Variants in ZDHHC15 observed in about 807,000 individuals in gnomAD.
The protein encoded by ZDHHC15 is palmitoyltransferase ZDHHC15.
Under a neutral mutation model 31.7 loss-of-function variants are expected in ZDHHC15, and 19 were observed. The ratio of observed to expected loss-of-function variants is 0.60; its 90% CI spans 0.42 to 0.88. The LOEUF is 0.88. Ranked by LOEUF, ZDHHC15 falls within the 40% of genes least tolerant of loss-of-function variation. The probability of loss-of-function intolerance (pLI) is 0.00; values close to 1 mark genes in which losing one functional copy is unlikely to be tolerated. For missense variants in ZDHHC15, 209 were observed against 251.2 expected (o/e 0.83, Z 1.14); for synonymous variants, 103 against 90.0 (o/e 1.14, Z -0.82).
At chrX:75,422,753 T>C (rs1008039099) in intron 8 of ZDHHC15, among the ~76,000 whole-genome samples, 3 of 111,387 alleles carry the variant, frequency 2.7e-5, no homozygotes, top group Admixed American at 1.9e-4. Flanking sequence ...CCCTAGCAAC[T>C]AGGGGCTACA....
intron 10 of ZDHHC15, among the ~76,000 whole-genome samples, chrX:75,389,808 C>T (rs938189628): frequency 6.3e-5 from 7 of 111,466 alleles, no homozygotes; most frequent in African/African-American, 2.3e-4. Flanking sequence ...TGAGCAGAGA[C>T]TCATTCTGCT....
At chrX:75,483,301 A>G (rs2084722183) in intron 2 of ZDHHC15, among the ~76,000 whole-genome samples, 1 of 110,491 alleles carries the variant, frequency 9.1e-6, no homozygotes, top group Non-Finnish European at 1.9e-5. Context: ...GTTTGTTAAA[A>G]AAGAGAAAAA....
intron 3 of ZDHHC15, among the ~76,000 whole-genome samples, chrX:75,451,928 T>G (rs975861373): frequency 9.0e-6 from 1 of 111,481 alleles, no homozygotes; most frequent in African/African-American, 3.3e-5. Flanking sequence ...TGCAAAAACA[T>G]GCCAAATTGT....
intron 4 of ZDHHC15, among the ~76,000 whole-genome samples, chrX:75,433,656 A>AGT (rs138064587): frequency 1.9e-5 from 1 of 53,545 alleles, no homozygotes; most frequent in African/African-American, 5.4e-5. Context: ...ATGGCTGAGT[A>AGT]GTGTGTGTGT....
chrX:75,419,631 T>C (rs190995382), intron 9 of ZDHHC15, among the ~76,000 whole-genome samples: 280 of 110,669 alleles, frequency 2.5e-3, no homozygotes, highest in African/African-American at 8.7e-3. Context: ...AACATGCTGC[T>C]ATAAAGACAC....
At chrX:75,510,564 T>TATC (rs2085249894) in intron 1 of ZDHHC15, among the ~76,000 whole-genome samples, 1 of 103,961 alleles carries the variant, frequency 9.6e-6, no homozygotes, top group Non-Finnish European at 2.0e-5. Context: ...GTCTTTTTAT[T>TATC]ATTATTATTA....
intron 4 of ZDHHC15, among the ~76,000 whole-genome samples, chrX:75,434,923 T>C (rs1332868535): frequency 1.8e-5 from 2 of 112,401 alleles, no homozygotes; most frequent in African/African-American, 3.2e-5. Context: ...ATATTGCTTT[T>C]GGCAGCATGG....
At position 75,421,433 on chromosome X, in the gene ZDHHC15, AATATATAT is replaced by A. The variant is rs1569320814; in HGVS notation, c.863+423_863+430del. Among the ~76,000 whole-genome samples the A allele has an allele frequency of 4.3e-4, 27 of 62,665 alleles. 1 individual carries two copies. The highest frequency in any genetic ancestry group is 2.0e-3 in the African/African-American group (26 of 12,746). 54.4% of individuals were successfully genotyped at this position (62,665 alleles called of 115,157 possible). ...TATAATATATATATAATATATATAT[AATATATAT>A]TATATATATATATTCCCATATTGTT... On this transcript the variant is annotated intron_variant, in intron 9 of 11. Transcript: ENST00000373367.
At chrX:75,522,331 G>C (rs2085454449) in intron 1 of ZDHHC15, among the ~76,000 whole-genome samples, 1 of 111,786 alleles carries the variant, frequency 8.9e-6, no homozygotes, top group Non-Finnish European at 1.9e-5. Flanking sequence ...GCCAGTGTGA[G>C]AGGATCACGG....
At chrX:75,436,658 A>C (rs1157828581) in intron 4 of ZDHHC15, among the ~76,000 whole-genome samples, 1 of 112,215 alleles carries the variant, frequency 8.9e-6, no homozygotes, top group African/African-American at 3.2e-5. Context: ...GGTTCCTACT[A>C]AAGGTGATTT....
At chrX:75,401,593 C>T (rs1329143288) in intron 10 of ZDHHC15, among the ~76,000 whole-genome samples, 1 of 111,708 alleles carries the variant, frequency 9.0e-6, no homozygotes, top group Non-Finnish European at 1.9e-5. Flanking sequence ...GGTTGCAATC[C>T]TAATTTCTGA....
Position 75,424,703 on chromosome X carries a change from T to C in ZDHHC15, c.685A>G (p.Ile229Val). ...AGCCAACAATGGTAACCAAAGAGAATCACAAGGCTGACAAAAAACATGCAG... is the reference window on the plus strand; with the variant it reads ...AGCCAACAATGGTAACCAAAGAGAACCACAAGGCTGACAAAAAACATGCAG... ...VACMFFVSLV[I>V]LFGYHCWLVS... Residue 229 changes from isoleucine (I) to valine (V), a missense_variant, in exon 8 of 12, where the codon ATT becomes GTT. Physicochemically the swap from Ile to Val is conservative, Grantham distance 29. Transcript: ENST00000373367. 1 of 1,206,187 alleles carries C rather than the reference T, an allele frequency of 8.3e-7. No homozygotes were observed. The highest frequency in any genetic ancestry group is 3.0e-5 in the East Asian group (1 of 33,581).
intron 5 of ZDHHC15, among the ~76,000 whole-genome samples, chrX:75,430,735 G>T (rs2083769706): frequency 9.0e-6 from 1 of 111,374 alleles, no homozygotes; most frequent in South Asian, 3.8e-4. Context: ...TCAGCCAGAT[G>T]ATCAAAATTA....
intron 11 of ZDHHC15, among the ~76,000 whole-genome samples, chrX:75,375,406 T>C (rs2083050107): frequency 8.9e-6 from 1 of 112,461 alleles, no homozygotes; most frequent in African/African-American, 3.2e-5. Flanking sequence ...TTTTACAAAA[T>C]TTGAAAATAA....
At chrX:75,376,540 A>G (rs1172972706) in intron 11 of ZDHHC15, among the ~76,000 whole-genome samples, 1 of 111,494 alleles carries the variant, frequency 9.0e-6, no homozygotes, top group Non-Finnish European at 1.9e-5. Context: ...TTGAAGTCTT[A>G]CATTTAAGTC....
intron 2 of ZDHHC15, among the ~76,000 whole-genome samples, chrX:75,493,053 A>G (rs2084926669): frequency 8.9e-6 from 1 of 112,000 alleles, no homozygotes; most frequent in Admixed American, 9.5e-5. Context: ...AATAAAGAAG[A>G]AAAGAGAGCA....
chrX:75,468,904 T>C (rs1432688816), intron 3 of ZDHHC15, among the ~76,000 whole-genome samples: 1 of 112,033 alleles, frequency 8.9e-6, no homozygotes, highest in Non-Finnish European at 1.9e-5. Context: ...GTTTTAAATT[T>C]GGTTGTTTGT....
intron 10 of ZDHHC15, among the ~76,000 whole-genome samples, chrX:75,389,999 C>G (rs9887338): frequency 3.7e-5 from 4 of 109,326 alleles, no homozygotes; most frequent in Non-Finnish European, 5.7e-5. Context: ...AAGGGTGAGT[C>G]CCAGATCGGA....
At chrX:75,501,545 A>G (rs752552346) in intron 2 of ZDHHC15, 36 of 111,376 alleles carry the variant, frequency 3.2e-4, no homozygotes, top group African/African-American at 1.1e-3. Flanking sequence ...GTCTTCCACA[A>G]TTGTTGAACT....
Sources: allele counts gnomAD v4.1 joint callset (sites outside exome capture counted in the v4.1 genomes callset), GRCh38; gene constraint gnomAD v4.1.1; transcripts MANE v1.5; gene names NCBI Gene and HGNC (gene_info 2026-07-23, HGNC 2026-07-21).